MAGI3: variants seen among roughly 807,000 people sequenced by gnomAD.
The protein encoded by MAGI3 is membrane associated guanylate kinase, WW and PDZ domain containing 3.
Under a neutral mutation model 121.8 loss-of-function variants are expected in MAGI3, and 43 were observed. That is an observed-to-expected ratio of 0.35 (90% confidence interval 0.28 to 0.46). MAGI3 has a LOEUF of 0.46. Ranked by LOEUF, MAGI3 falls within the 20% of genes least tolerant of loss-of-function variation. The pLI, the probability that MAGI3 is intolerant of heterozygous loss-of-function variation, is 1.00. For missense variants in MAGI3, 1,547 were observed against 1,797.3 expected, an observed-to-expected ratio of 0.86 and a Z score of 2.52; for synonymous variants, 553 against 639.3, an observed-to-expected ratio of 0.86 and a Z score of 2.04.
intron 1 of MAGI3, among the ~76,000 whole-genome samples, chr1:113,401,948 G>A (rs190627398): frequency 3.4e-4 from 52 of 152,224 alleles, no homozygotes; most frequent in Admixed American, 3.3e-3. Context: ...AAGTGTTTAC[G>A]CTGTTATGTT....
intron 6 of MAGI3, among the ~76,000 whole-genome samples, chr1:113,608,685 C>A (rs1028697337): frequency 7.9e-5 from 12 of 152,168 alleles, no homozygotes; most frequent in Non-Finnish European, 1.6e-4. Flanking sequence ...ACTCCCCAGT[C>A]AGATAAGACA....
intron 3 of MAGI3, 121 bp from the exon 4 acceptor site, chr1:113,585,266 C>T (rs1052535029): frequency 3.5e-6 from 3 of 860,192 alleles, no homozygotes; most frequent in East Asian, 5.3e-5. Flanking sequence ...CCATGCCCAC[C>T]CCTATGGTAG....
chr1:113,402,037 A>G (rs1651435683), intron 1 of MAGI3, among the ~76,000 whole-genome samples: 1 of 152,188 alleles, frequency 6.6e-6, no homozygotes. Context: ...AAACAATTCG[A>G]GGCTTAGCAA....
chr1:113,628,561 G>A (rs145324821), intron 9 of MAGI3, among the ~76,000 whole-genome samples: 14 of 152,040 alleles, frequency 9.2e-5, no homozygotes, highest in Admixed American at 3.9e-4. Flanking sequence ...CTTTTCTTTC[G>A]CATTGAAGAA....
At chr1:113,642,646 G>A (rs986054488) in intron 10 of MAGI3, 130 bp downstream of exon 10, 4 of 1,017,644 alleles carry the variant, frequency 3.9e-6, no homozygotes, top group Non-Finnish European at 4.2e-6. Context: ...TTTTCCTTAA[G>A]GTTCTGTCTG....
At chr1:113,657,091 A>G (rs985265001) in intron 15 of MAGI3, among the ~76,000 whole-genome samples, 1 of 152,244 alleles carries the variant, frequency 6.6e-6, no homozygotes, top group African/African-American at 2.4e-5. Flanking sequence ...TAAGAGCACT[A>G]AAGTGATCTC....
chr1:113,641,831 G>C (rs1245396153), intron 9 of MAGI3, 80 bp from the exon 10 acceptor site: 3 of 1,325,234 alleles, frequency 2.3e-6, no homozygotes, highest in Non-Finnish European at 3.1e-6. Flanking sequence ...TTGCTAAATT[G>C]TAGTTATTTT....
Position 113,671,755 on chromosome 1 carries a change from G to T in MAGI3, c.2837G>T (p.Gly946Val). 6.2e-7 allele frequency: 1 copy of T among 1,614,184 alleles called. No homozygotes were observed. Among genetic ancestry groups the T allele is most frequent in the Non-Finnish European group, 8.5e-7 (1 of 1,180,024 alleles). Residue 946 changes from glycine to valine, a missense_variant, in exon 17 of 21, where the codon GGA becomes GTA. Physicochemically the swap from Gly to Val is moderately radical, Grantham distance 109. Transcript: ENST00000307546. ...AEEEHHGPPSGTNSARQSPAL... is the reference protein window; with the variant it reads ...AEEEHHGPPSVTNSARQSPAL... ...ACAGAGCATCATGGTCCACCATCAG[G>T]AACAAACTCAGCCAGGCAAAGCCCA...
At chr1:113,487,561 A>T (rs1174700833) in intron 1 of MAGI3, among the ~76,000 whole-genome samples, 1 of 152,176 alleles carries the variant, frequency 6.6e-6, no homozygotes, top group East Asian at 1.9e-4. Flanking sequence ...AGCATGAGGT[A>T]TGCATAATTC....
intron 1 of MAGI3, among the ~76,000 whole-genome samples, chr1:113,494,815 C>G (rs1000445950): frequency 6.6e-6 from 1 of 152,058 alleles, no homozygotes; most frequent in African/African-American, 2.4e-5. Flanking sequence ...GGTTTGAGTA[C>G]TTTTATATAC....
chr1:113,629,804 T>TTC (rs1651506827), intron 9 of MAGI3, among the ~76,000 whole-genome samples: 1 of 124,024 alleles, frequency 8.1e-6, no homozygotes, highest in Admixed American at 9.3e-5. Context: ...GTCTCTCTCT[T>TTC]TCTCTCTCTC....
chr1:113,615,808 G>A (rs973042116), intron 7 of MAGI3, among the ~76,000 whole-genome samples: 2 of 152,166 alleles, frequency 1.3e-5, no homozygotes, highest in African/African-American at 4.8e-5. Flanking sequence ...ATACTGTGAT[G>A]TAAAAAGTAT....
intron 9 of MAGI3, among the ~76,000 whole-genome samples, chr1:113,623,904 A>G (rs1298828537): frequency 5.3e-5 from 8 of 152,038 alleles, no homozygotes; most frequent in African/African-American, 1.7e-4. Flanking sequence ...CTCTAGCTCC[A>G]TTAGTTCAGT....
intron 1 of MAGI3, among the ~76,000 whole-genome samples, chr1:113,461,369 C>G (rs191022766): frequency 1.3e-5 from 2 of 152,210 alleles, no homozygotes; most frequent in Admixed American, 1.3e-4. Context: ...CAGCATGGTA[C>G]AGGTACAAAA....
At position 113,671,016 on chromosome 1, in the gene MAGI3, T is replaced by G. The variant is rs184930525; in HGVS notation, c.2816-718T>G. 5.0e-3 allele frequency among the ~76,000 whole-genome samples: 762 copies of G among 152,368 alleles called. 4 individuals are homozygous for G. The highest frequency in any genetic ancestry group is 0.018 in the African/African-American group (735 of 41,572). ...ATGAGTCTGCCAGCCTTAGGCATCT[T>G]GTTTAATTGTCGCCTCCTTGCCATC... On this transcript the variant is annotated intron_variant, in intron 16 of 20. Coordinates refer to ENST00000307546, the MANE Select transcript of MAGI3 (RefSeq NM_001142782.2).
intron 1 of MAGI3, among the ~76,000 whole-genome samples, chr1:113,525,869 G>A (rs1658424626): frequency 6.6e-6 from 1 of 152,066 alleles, no homozygotes; most frequent in Non-Finnish European, 1.5e-5. Flanking sequence ...GGATGTGGTG[G>A]CGCATGCCTG....
chr1:113,449,067 G>A (rs986934567), intron 1 of MAGI3, among the ~76,000 whole-genome samples: 9 of 149,772 alleles, frequency 6.0e-5, no homozygotes, highest in Non-Finnish European at 1.2e-4. Flanking sequence ...GTGGTGAGCC[G>A]AGATCACGCT....
intron 1 of MAGI3, among the ~76,000 whole-genome samples, chr1:113,451,530 A>G (rs762947555): frequency 6.6e-5 from 10 of 152,166 alleles, no homozygotes; most frequent in East Asian, 1.9e-4. Flanking sequence ...TTTGATGCCA[A>G]GTGTTCTCGA....
intron 13 of MAGI3, 148 bp downstream of exon 13, chr1:113,649,476 C>T: frequency 1.8e-6 from 1 of 559,486 alleles, no homozygotes; most frequent in Non-Finnish European, 3.1e-6. Context: ...TATCATAGTC[C>T]CTCAGTTATT....
Sources: gnomAD v4.1 joint callset for allele counts (sites outside exome capture counted in the v4.1 genomes callset) on GRCh38, gnomAD v4.1.1 for gene constraint, MANE v1.5 for transcripts, NCBI Gene and HGNC (gene_info 2026-07-23, HGNC 2026-07-21) for gene names.